Variants in ELAVL2 observed in about 807,000 individuals in gnomAD.
ELAVL2 encodes ELAV like RNA binding protein 2.
In ELAVL2, 4 loss-of-function variants were observed where a neutral mutation model predicts 34.6. The observed-to-expected ratio is 0.12, with a 90% confidence interval of 0.06 to 0.26. The LOEUF is 0.26. Among genes scored for constraint, ELAVL2 ranks in the 10% least tolerant of loss-of-function variants. The pLI, the probability that ELAVL2 is intolerant of heterozygous loss-of-function variation, is 1.00. For missense variants in ELAVL2, 432 were observed against 442.8 expected, an observed-to-expected ratio of 0.98 and a Z score of 0.22; for synonymous variants, 193 against 154.8, an observed-to-expected ratio of 1.25 and a Z score of -1.83.
chr9:23,710,022 G>A (rs903022976), intron 3 of ELAVL2, among the ~76,000 whole-genome samples: 3 of 152,084 alleles, frequency 2.0e-5, no homozygotes, highest in African/African-American at 7.2e-5. Context: ...GAGGGACGGG[G>A]AGGCAGTAAG....
intron 3 of ELAVL2, among the ~76,000 whole-genome samples, chr9:23,729,470 C>A (rs1037032470): frequency 1.3e-5 from 2 of 152,154 alleles, no homozygotes; most frequent in Non-Finnish European, 1.5e-5. Context: ...AGTAAAAGAT[C>A]TCTGACACAG....
intron 5 of ELAVL2, among the ~76,000 whole-genome samples, chr9:23,695,203 A>G (rs76778427): frequency 0.011 from 1,704 of 152,296 alleles, 41 homozygotes; most frequent in African/African-American, 0.039. Flanking sequence ...AAGTAACAAT[A>G]CAATTTTATC....
rs552892507 is a variant in ELAVL2, at chr9:23,797,796, C to T, written c.-16+28010G>A. ...ATACAAAATTAGGTGGGCGTGGTGG[C>T]GCATGCCTGTAATCCGAGCTACTCG... is the stretch of plus-strand genomic sequence containing the variant. On this transcript the variant is annotated intron_variant, in intron 1 of 6. Coordinates refer to ENST00000397312, the MANE Select transcript of ELAVL2 (RefSeq NM_004432.5). 3.9e-5 allele frequency among the ~76,000 whole-genome samples: 6 copies of T among 152,208 alleles called. No homozygotes were observed. The East Asian group carries it at 9.7e-4, about 25-fold the overall frequency.
chr9:23,801,598 T>G (rs944168355), intron 1 of ELAVL2, among the ~76,000 whole-genome samples: 4 of 152,200 alleles, frequency 2.6e-5, no homozygotes, highest in Non-Finnish European at 4.4e-5. Flanking sequence ...ATCAACATCA[T>G]TAAGAATGCT....
At chr9:23,760,543 G>A (rs1323127130) in intron 2 of ELAVL2, among the ~76,000 whole-genome samples, 5 of 151,988 alleles carry the variant, frequency 3.3e-5, no homozygotes, top group African/African-American at 1.2e-4. Context: ...CATCACGACA[G>A]AGACGTAAGA....
intron 1 of ELAVL2, among the ~76,000 whole-genome samples, chr9:23,773,551 G>C (rs1406157215): frequency 2.0e-5 from 3 of 152,164 alleles, no homozygotes; most frequent in Non-Finnish European, 4.4e-5. Flanking sequence ...AAGTGTATGA[G>C]CATATATGTA....
intron 2 of ELAVL2, among the ~76,000 whole-genome samples, chr9:23,755,078 T>C (rs1188356172): frequency 6.6e-6 from 1 of 152,178 alleles, no homozygotes; most frequent in Non-Finnish European, 1.5e-5. Context: ...TTTGTTAAAA[T>C]GGTATATAAG....
intron 2 of ELAVL2, among the ~76,000 whole-genome samples, chr9:23,745,615 C>A (rs2050300475): frequency 6.6e-6 from 1 of 152,118 alleles, no homozygotes; most frequent in African/African-American, 2.4e-5. Context: ...CAAAGACTGT[C>A]CAAAAACCTA....
intron 1 of ELAVL2, among the ~76,000 whole-genome samples, chr9:23,780,026 A>G (rs1160691859): frequency 1.9e-5 from 2 of 103,462 alleles, no homozygotes; most frequent in Non-Finnish European, 3.6e-5. Context: ...AAAAAAAAAA[A>G]AAAAAAAACT....
intron 1 of ELAVL2, among the ~76,000 whole-genome samples, chr9:23,814,886 T>G (rs867634324): frequency 6.6e-6 from 1 of 152,196 alleles, no homozygotes. Flanking sequence ...CCTTACCCAA[T>G]TCACTGAATT....
At chr9:23,795,349 GC>G (rs2060789948) in intron 1 of ELAVL2, among the ~76,000 whole-genome samples, 1 of 152,066 alleles carries the variant, frequency 6.6e-6, no homozygotes. Context: ...TTCGAGAACA[GC>G]GTGGCCAACA....
intron 1 of ELAVL2, among the ~76,000 whole-genome samples, chr9:23,800,115 A>G (rs2061406350): frequency 6.6e-6 from 1 of 152,228 alleles, no homozygotes; most frequent in Non-Finnish European, 1.5e-5. Flanking sequence ...AAAGAATCCC[A>G]ATTCAAAAAT....
At chr9:23,743,355 G>C (rs2049738709) in intron 2 of ELAVL2, among the ~76,000 whole-genome samples, 1 of 152,116 alleles carries the variant, frequency 6.6e-6, no homozygotes, top group Admixed American at 6.6e-5. Flanking sequence ...TCATCCAAAA[G>C]TTGAAGTGAT....
intron 3 of ELAVL2, among the ~76,000 whole-genome samples, chr9:23,717,838 C>A (rs2042704182): frequency 1.3e-5 from 2 of 152,130 alleles, no homozygotes; most frequent in Non-Finnish European, 2.9e-5. Context: ...GCTAACTAGC[C>A]CACATTAAGC....
the ELAVL2 span, among the ~76,000 whole-genome samples, chr9:23,846,515 T>C: frequency 4.1e-4 from 62 of 152,024 alleles, no homozygotes; most frequent in African/African-American, 1.4e-3. Flanking sequence ...CTTATTTAAG[T>C]TCCCTTTTAA....
intron 1 of ELAVL2, among the ~76,000 whole-genome samples, chr9:23,778,880 G>GT (rs1325149490): frequency 1.3e-5 from 2 of 152,252 alleles, no homozygotes; most frequent in Non-Finnish European, 2.9e-5. Flanking sequence ...ATTTTGGCCT[G>GT]TTTATACTAC....
intron 3 of ELAVL2, among the ~76,000 whole-genome samples, chr9:23,714,022 A>C (rs1046597269): frequency 6.6e-6 from 1 of 152,210 alleles, no homozygotes; most frequent in Admixed American, 6.5e-5. Context: ...TGCAACAATA[A>C]AACTATTAGC....
the ELAVL2 span, among the ~76,000 whole-genome samples, chr9:23,831,964 A>T: frequency 1.3e-5 from 2 of 152,204 alleles, no homozygotes; most frequent in Non-Finnish European, 2.9e-5. Context: ...CAATTTGAAA[A>T]GTACAGTATG....
intron 1 of ELAVL2, among the ~76,000 whole-genome samples, chr9:23,791,799 C>T (rs2060354568): frequency 6.6e-6 from 1 of 152,180 alleles, no homozygotes; most frequent in Non-Finnish European, 1.5e-5. Context: ...TGATCTTGGT[C>T]TTCCAGCCTC....
Sources: gnomAD v4.1 joint callset for allele counts (sites outside exome capture counted in the v4.1 genomes callset) on GRCh38, gnomAD v4.1.1 for gene constraint, MANE v1.5 for transcripts, NCBI Gene and HGNC (gene_info 2026-07-23, HGNC 2026-07-21) for gene names.